The following CUX1 variants were observed in gnomAD, a reference collection of about 807,000 sequenced individuals.
The protein encoded by CUX1 is protein CASP.
Under a neutral mutation model 158.8 loss-of-function variants are expected in CUX1, and 31 were observed. That is an observed-to-expected ratio of 0.20 (90% CI 0.15 to 0.26). The LOEUF (loss-of-function observed/expected upper bound fraction) is 0.26. Ranked by LOEUF, CUX1 falls within the 10% of genes least tolerant of loss-of-function variation. CUX1 has a pLI of 1.00. For missense variants in CUX1, 1,589 were observed against 2,014.6 expected, an observed-to-expected ratio of 0.79 and a Z score of 4.04; for synonymous variants, 879 against 862.1, an observed-to-expected ratio of 1.02 and a Z score of -0.34.
intron 19 of CUX1, chr7:102,280,130 C>T: frequency 1.3e-6 from 2 of 1,593,370 alleles, no homozygotes; most frequent in Non-Finnish European, 1.7e-6. Context: ...GGTTCGTGAG[C>T]CCAGCCTGGG....
intron 3 of CUX1, among the ~76,000 whole-genome samples, chr7:102,049,223 C>T (rs1053804423): frequency 3.9e-5 from 6 of 152,200 alleles, no homozygotes; most frequent in African/African-American, 9.6e-5. Flanking sequence ...TGAAATACAG[C>T]AGACTCAGCG....
At chr7:102,030,904 A>G (rs1419705870) in intron 3 of CUX1, among the ~76,000 whole-genome samples, 1 of 151,680 alleles carries the variant, frequency 6.6e-6, no homozygotes, top group South Asian at 2.1e-4. Flanking sequence ...GTTTCAATAC[A>G]TTGCCCAGGC....
chr7:102,109,365 C>T (rs577682537), intron 6 of CUX1, among the ~76,000 whole-genome samples: 1 of 152,262 alleles, frequency 6.6e-6, no homozygotes, highest in South Asian at 2.1e-4. Context: ...CTTTACTCAG[C>T]AGTAAAAATT....
At chr7:102,041,236 A>AT (rs1263786370) in intron 3 of CUX1, among the ~76,000 whole-genome samples, 1 of 125,094 alleles carries the variant, frequency 8.0e-6, no homozygotes, top group Non-Finnish European at 1.6e-5. Context: ...TGCCAGGGAG[A>AT]TTGTCACCTC....
chr7:101,835,593 T>A (rs1055092095), intron 1 of CUX1, among the ~76,000 whole-genome samples: 1 of 152,174 alleles, frequency 6.6e-6, no homozygotes. Context: ...TTTTTGTGGG[T>A]GCGTATATTT....
intron 1 of CUX1, among the ~76,000 whole-genome samples, chr7:101,904,028 C>T (rs369223022): frequency 1.3e-5 from 2 of 151,966 alleles, no homozygotes; most frequent in East Asian, 1.9e-4. Flanking sequence ...TCCGGTCACT[C>T]GCACCTGTAA....
At chr7:101,862,140 T>G (rs1357712287) in intron 1 of CUX1, among the ~76,000 whole-genome samples, 2 of 152,202 alleles carry the variant, frequency 1.3e-5, no homozygotes, top group African/African-American at 4.8e-5. Flanking sequence ...CGGCCACCCC[T>G]AATGTTTTGA....
rs782522056 is a variant in CUX1 at position 102,227,492 on chromosome 7, G to A, written c.3256G>A (p.Asp1086Asn). Residue 1086 changes from aspartate (D) to asparagine (N), a missense_variant, in exon 21 of 24, where the codon GAC becomes AAC. By Grantham distance (23) the Asp-to-Asn change is conservative (BLOSUM62 1). Coordinates refer to ENST00000292535, the MANE Select transcript of CUX1 (RefSeq NM_181552.4). ...QPCPPIEASKDSKPPEPSDPP... is the reference protein window; with the variant it reads ...QPCPPIEASKNSKPPEPSDPP... ...CTGTCCCCCCATCGAGGCGAGCAAG[G>A]ACAGCAAGCCACCAGAGCCCAGTGA... 6 of 1,613,910 alleles carry A rather than the reference G, an allele frequency of 3.7e-6. No individual in the cohort carries two copies. Among genetic ancestry groups the A allele is most frequent in the Admixed American group, 3.3e-5 (2 of 59,984 alleles).
chr7:102,272,756 GAGAC>G (rs1791309589), intron 14 of CUX1, among the ~76,000 whole-genome samples: 1 of 152,206 alleles, frequency 6.6e-6, no homozygotes, highest in Non-Finnish European at 1.5e-5. Context: ...GGAGGAGGGA[GAGAC>G]AGACAGGGCT....
chr7:102,064,105 G>T (rs1453752235), intron 3 of CUX1, among the ~76,000 whole-genome samples: 1 of 152,202 alleles, frequency 6.6e-6, no homozygotes, highest in African/African-American at 2.4e-5. Flanking sequence ...AGGTGAGCCT[G>T]AAAAAGAGGC....
chr7:101,974,985 T>C (rs993748401), intron 2 of CUX1, among the ~76,000 whole-genome samples: 3 of 152,142 alleles, frequency 2.0e-5, no homozygotes, highest in Non-Finnish European at 4.4e-5. Context: ...TGGTGGCTCA[T>C]ACCTCTAATC....
chr7:102,190,419 C>G (rs1339512173), intron 12 of CUX1, among the ~76,000 whole-genome samples: 1 of 152,160 alleles, frequency 6.6e-6, no homozygotes. Context: ...CCTCTGCCTC[C>G]TCACCCTGAG....
Position 102,158,605 on chromosome 7 carries a change from C to G in CUX1, c.720C>G (p.Asn240Lys), listed in dbSNP as rs782141090. The G allele has an allele frequency of 3.5e-5, 56 of 1,613,824 alleles. No homozygotes were observed. The Admixed American group carries it at 8.8e-4, about 25-fold the overall frequency. Residue 240 changes from asparagine to lysine, a missense_variant, in exon 9 of 24, where the codon AAC becomes AAG. Around this residue, in one of 8 missense-constraint regions of CUX1, gnomAD observed 515 missense variants for 574.4 expected, o/e 0.90. Transcript: ENST00000292535. The part of the protein sequence containing the change: ...EMIMTDLERA[N>K]QRAEVAQREA... ...TCATGACGGACCTTGAAAGGGCAAA[C>G]CAGGTAGGACCCTGGACGCTTTTAG...
chr7:102,154,746 T>C (rs1302331222), intron 8 of CUX1, among the ~76,000 whole-genome samples: 1 of 152,206 alleles, frequency 6.6e-6, no homozygotes, highest in East Asian at 1.9e-4. Context: ...CAGAAGTAGC[T>C]ATGCCAACAA....
intron 4 of CUX1, 58 bp from the exon 5 acceptor site, chr7:102,097,306 C>T (rs1248044951): frequency 2.6e-6 from 4 of 1,563,262 alleles, no homozygotes; most frequent in African/African-American, 1.4e-5. Context: ...TGTGTACCGC[C>T]GTGGAGGGGG....
intron 1 of CUX1, among the ~76,000 whole-genome samples, chr7:101,901,651 C>G (rs1227252478): frequency 2.0e-5 from 3 of 152,206 alleles, no homozygotes; most frequent in African/African-American, 7.2e-5. Flanking sequence ...CCAGGCCCAG[C>G]TGTACGTTCC....
intron 1 of CUX1, among the ~76,000 whole-genome samples, chr7:101,895,480 G>T (rs1023666137): frequency 6.6e-6 from 1 of 152,096 alleles, no homozygotes; most frequent in Non-Finnish European, 1.5e-5. Flanking sequence ...GGTCTGGACA[G>T]TATTGGAAAT....
chr7:102,171,359 G>C (rs1791695339), intron 10 of CUX1, among the ~76,000 whole-genome samples: 1 of 152,040 alleles, frequency 6.6e-6, no homozygotes, highest in Non-Finnish European at 1.5e-5. Flanking sequence ...AGCAAAGCTG[G>C]ACATGTAATA....
At chr7:101,832,014 TG>T (rs910182800) in intron 1 of CUX1, among the ~76,000 whole-genome samples, 7 of 152,204 alleles carry the variant, frequency 4.6e-5, no homozygotes, top group Middle Eastern at 3.2e-3. Flanking sequence ...CCGAAAGTGC[TG>T]GGATTCCAGG....
Sources: allele counts gnomAD v4.1 joint callset (sites outside exome capture counted in the v4.1 genomes callset), GRCh38; gene constraint gnomAD v4.1.1; regional missense constraint gnomAD v4.1.1; transcripts MANE v1.5; gene names NCBI Gene and HGNC (gene_info 2026-07-23, HGNC 2026-07-21).